The following KCND2 variants were observed in gnomAD, a reference collection of about 807,000 sequenced individuals.
KCND2 encodes the protein A-type voltage-gated potassium channel KCND2.
A neutral mutation model predicts 54.4 loss-of-function variants in KCND2; 16 were observed. That is an observed-to-expected ratio of 0.29 (90% CI 0.20 to 0.45). The LOEUF (loss-of-function observed/expected upper bound fraction) is 0.45, where lower values mean the gene tolerates loss of function less well. Ranked by LOEUF, KCND2 falls within the 20% of genes least tolerant of loss-of-function variation. KCND2 has a pLI of 1.00. For synonymous variants in KCND2, 317 were observed against 310.7 expected (o/e 1.02, Z -0.21); for missense variants, 486 against 824.2 (o/e 0.59, Z 5.02).
At chr7:120,451,395 G>T (rs892847855) in intron 1 of KCND2, among the ~76,000 whole-genome samples, 12 of 152,098 alleles carry the variant, frequency 7.9e-5, no homozygotes, top group Non-Finnish European at 1.6e-4. Context: ...CTTTGCAGAA[G>T]AAGTGAGAAA....
At chr7:120,394,523 A>G (rs1237341846) in intron 1 of KCND2, among the ~76,000 whole-genome samples, 1 of 152,002 alleles carries the variant, frequency 6.6e-6, no homozygotes, top group African/African-American at 2.4e-5. Flanking sequence ...AACTAGGCCT[A>G]TATTTTAGCA....
At chr7:120,401,603 A>G (rs545612828) in intron 1 of KCND2, among the ~76,000 whole-genome samples, 1 of 152,222 alleles carries the variant, frequency 6.6e-6, no homozygotes, top group East Asian at 1.9e-4. Context: ...GCTTTGATAG[A>G]TATTTCATTA....
At chr7:120,656,657 G>T (rs1290444211) in intron 1 of KCND2, among the ~76,000 whole-genome samples, 1 of 152,172 alleles carries the variant, frequency 6.6e-6, no homozygotes, top group African/African-American at 2.4e-5. Context: ...CCATTTTATG[G>T]TTCCCTTTTC....
At chr7:120,281,579 G>A (rs1423834774) in intron 1 of KCND2, among the ~76,000 whole-genome samples, 7 of 152,080 alleles carry the variant, frequency 4.6e-5, no homozygotes, top group Admixed American at 1.3e-4. Flanking sequence ...GCAAGCCTAC[G>A]TCATTTATAG....
intron 1 of KCND2, among the ~76,000 whole-genome samples, chr7:120,671,884 A>T (rs559099687): frequency 9.9e-5 from 15 of 152,266 alleles, no homozygotes; most frequent in African/African-American, 3.6e-4. Flanking sequence ...ACAGCAATGA[A>T]CTCATGATTT....
rs76432301 is a variant in KCND2 at position 120,599,977 on chromosome 7, A to G, written c.1116-132926A>G. 2.2e-4 allele frequency among the ~76,000 whole-genome samples: 33 copies of G among 151,718 alleles called. No homozygotes were observed. The East Asian group carries it at 5.6e-3, about 26-fold the overall frequency. On this transcript the variant is annotated intron_variant, in intron 1 of 5. Coordinates refer to ENST00000331113, the MANE Select transcript of KCND2 (RefSeq NM_012281.3). ...GTTGAGAAAATTGCCTTCTATTTCT[A>G]TATTGCTGAGAGTTTTTATCATGAA... is the stretch of plus-strand genomic sequence containing the variant.
chr7:120,344,815 A>C (rs10231689), intron 1 of KCND2, among the ~76,000 whole-genome samples: 2 of 152,268 alleles, frequency 1.3e-5, no homozygotes, highest in East Asian at 3.9e-4. Flanking sequence ...CATGACTTCA[A>C]CATCATCCCA....
At chr7:120,637,574 A>G (rs961699789) in intron 1 of KCND2, among the ~76,000 whole-genome samples, 4 of 152,236 alleles carry the variant, frequency 2.6e-5, no homozygotes, top group Admixed American at 6.5e-5. Context: ...TTTCATTTCT[A>G]TCCATTTCTG....
chr7:120,534,629 G>A (rs148052947), intron 1 of KCND2, among the ~76,000 whole-genome samples: 1 of 152,116 alleles, frequency 6.6e-6, no homozygotes, highest in African/African-American at 2.4e-5. Context: ...TGATAGCAAT[G>A]TATCAATGTC....
chr7:120,703,782 C>T (rs1418214530), intron 1 of KCND2, among the ~76,000 whole-genome samples: 1 of 152,170 alleles, frequency 6.6e-6, no homozygotes, highest in Admixed American at 6.6e-5. Flanking sequence ...GTAGGTCAGA[C>T]AGGACTTCCA....
At chr7:120,373,279 A>G (rs949805120) in intron 1 of KCND2, among the ~76,000 whole-genome samples, 3 of 151,860 alleles carry the variant, frequency 2.0e-5, no homozygotes, top group African/African-American at 7.2e-5. Context: ...AGAATACAAT[A>G]ATCTTCTCTC....
chr7:120,651,565 G>A (rs4730969), intron 1 of KCND2, among the ~76,000 whole-genome samples: 27,152 of 151,862 alleles, frequency 0.18, 2,871 homozygotes, highest in African/African-American at 0.28. Flanking sequence ...TGCACTTCCC[G>A]TGTGAGGCAA....
chr7:120,404,804 T>C (rs1801326928), intron 1 of KCND2, among the ~76,000 whole-genome samples: 1 of 152,072 alleles, frequency 6.6e-6, no homozygotes, highest in Admixed American at 6.6e-5. Flanking sequence ...TTGTAGCTCC[T>C]CCTCCTTCCT....
At chr7:120,676,789 A>C (rs1241046936) in intron 1 of KCND2, among the ~76,000 whole-genome samples, 1 of 152,162 alleles carries the variant, frequency 6.6e-6, no homozygotes, top group Non-Finnish European at 1.5e-5. Flanking sequence ...GCCTGTTTCG[A>C]AATGTAATGA....
In KCND2 at chr7:120,315,703, G is replaced by A. The variant is rs554989227; in HGVS notation, c.1115+39956G>A. On this transcript the variant is annotated intron_variant, in intron 1 of 5. Transcript: ENST00000331113. ...GTAAATTTCATAGTCATAAATCATT[G>A]TTGTCAATGTAGGGAAAGTCAAGCA... Among the ~76,000 whole-genome samples the A allele has an allele frequency of 2.0e-5, 3 of 151,190 alleles. No individual in the cohort carries two copies. The South Asian group carries it at 6.2e-4, about 31-fold the overall frequency.
intron 1 of KCND2, among the ~76,000 whole-genome samples, chr7:120,629,897 T>C (rs1307601172): frequency 2.0e-5 from 3 of 152,180 alleles, no homozygotes; most frequent in Non-Finnish European, 4.4e-5. Flanking sequence ...GTTTTGAATA[T>C]ATAGAGTTTG....
chr7:120,275,942 A>G (rs1018736474), intron 1 of KCND2, among the ~76,000 whole-genome samples, 195 bp downstream of exon 1: 2 of 152,196 alleles, frequency 1.3e-5, no homozygotes, highest in East Asian at 3.8e-4. Flanking sequence ...GTATTAAGGC[A>G]TTGCTGGCAA....
intron 1 of KCND2, among the ~76,000 whole-genome samples, chr7:120,718,100 G>A (rs1427925161): frequency 2.0e-5 from 3 of 152,240 alleles, no homozygotes; most frequent in Middle Eastern, 3.4e-3. Flanking sequence ...GGCAGTGATA[G>A]GAAGGAGGCA....
chr7:120,464,346 C>T (rs1270500241), intron 1 of KCND2, among the ~76,000 whole-genome samples: 1 of 151,924 alleles, frequency 6.6e-6, no homozygotes, highest in African/African-American at 2.4e-5. Flanking sequence ...GTGAATAATA[C>T]ACAATATCTG....
Sources: gnomAD v4.1 joint callset for allele counts (sites outside exome capture counted in the v4.1 genomes callset) on GRCh38, gnomAD v4.1.1 for gene constraint, MANE v1.5 for transcripts, NCBI Gene and HGNC (gene_info 2026-07-23, HGNC 2026-07-21) for gene names.